Variants in NCKAP5 observed in about 807,000 individuals in gnomAD.
NCKAP5 encodes the protein nck-associated protein 5.
In NCKAP5, 92 loss-of-function variants were observed where a neutral mutation model predicts 167.0. That is an observed-to-expected ratio of 0.55 (90% CI 0.47 to 0.66). The LOEUF is 0.66. Among genes scored for constraint, NCKAP5 ranks in the 30% least tolerant of loss-of-function variants. The pLI is 0.00. For synonymous variants in NCKAP5, 891 were observed against 877.4 expected (o/e 1.02, Z -0.27); for missense variants, 2,378 against 2,315.0 (o/e 1.03, Z -0.56).
intron 2 of NCKAP5, among the ~76,000 whole-genome samples, chr2:133,548,192 G>C (rs1463068572): frequency 2.6e-5 from 4 of 152,064 alleles, no homozygotes; most frequent in South Asian, 4.2e-4. Context: ...AGAATAAAAA[G>C]AAATGAGCAA....
At chr2:132,893,015 A>C (rs898974208) in intron 8 of NCKAP5, among the ~76,000 whole-genome samples, 43 of 141,926 alleles carry the variant, frequency 3.0e-4, no homozygotes, top group African/African-American at 1.0e-3. Context: ...AAAAAAAAAA[A>C]CCAGAAAGGA....
the NCKAP5 span, among the ~76,000 whole-genome samples, chr2:133,616,351 A>G: frequency 6.6e-6 from 1 of 152,058 alleles, no homozygotes; most frequent in Non-Finnish European, 1.5e-5. Context: ...CAAAAAATTA[A>G]TGAATCCAGG....
intron 7 of NCKAP5, among the ~76,000 whole-genome samples, chr2:132,981,219 A>G (rs1039749941): frequency 2.6e-5 from 4 of 152,212 alleles, no homozygotes; most frequent in Non-Finnish European, 5.9e-5. Flanking sequence ...GTTTAAACAA[A>G]TGAAGTGAAA....
chr2:133,649,039 A>C, the NCKAP5 span, among the ~76,000 whole-genome samples: 27 of 152,088 alleles, frequency 1.8e-4, no homozygotes, highest in African/African-American at 6.0e-4. Flanking sequence ...ACATAAAATC[A>C]AAAATGAAAG....
chr2:133,356,706 A>G (rs920720705), intron 3 of NCKAP5, among the ~76,000 whole-genome samples: 6 of 152,264 alleles, frequency 3.9e-5, no homozygotes, highest in African/African-American at 1.2e-4. Context: ...CAACAAGAAG[A>G]AAGTCATTCA....
chr2:132,855,566 C>A (rs1689400228), intron 11 of NCKAP5, among the ~76,000 whole-genome samples: 1 of 152,172 alleles, frequency 6.6e-6, no homozygotes. Context: ...GCGTGGGAAG[C>A]CAGGTAGATG....
At position 132,844,587 on chromosome 2, in the gene NCKAP5, T is replaced by C. The variant is rs572829553; in HGVS notation, c.807+15905A>G. Among the ~76,000 whole-genome samples, 17 of 152,314 alleles carry C rather than the reference T, an allele frequency of 1.1e-4. No homozygotes were observed. In the South Asian group the frequency reaches 3.5e-3, roughly 32 times the overall value. Reference sequence around the variant, plus strand: ...TGCAACTTTACTTTTTCACTTAATATATTTTTAAGATATGTTTCTAGGTCA... The same window carrying C: ...TGCAACTTTACTTTTTCACTTAATACATTTTTAAGATATGTTTCTAGGTCA... On this transcript the variant is annotated intron_variant, in intron 11 of 19. Transcript: ENST00000409261.
chr2:132,963,009 G>A (rs1006469057), intron 8 of NCKAP5, among the ~76,000 whole-genome samples: 1 of 147,844 alleles, frequency 6.8e-6, no homozygotes, highest in East Asian at 2.2e-4. Context: ...GGACGTAAGT[G>A]AACTCATAGA....
chr2:133,495,014 T>A (rs1681812759), intron 3 of NCKAP5, among the ~76,000 whole-genome samples: 1 of 152,152 alleles, frequency 6.6e-6, no homozygotes, highest in South Asian at 2.1e-4. Context: ...CCACAACCCC[T>A]TATCTTAACC....
chr2:133,140,785 AATTAT>A (rs1217906808), intron 5 of NCKAP5, among the ~76,000 whole-genome samples: 1 of 148,880 alleles, frequency 6.7e-6, no homozygotes, highest in African/African-American at 2.4e-5. Flanking sequence ...TAATATAATA[AATTAT>A]ATTAACATTA....
the NCKAP5 span, among the ~76,000 whole-genome samples, chr2:133,576,187 T>C: frequency 6.6e-6 from 1 of 151,458 alleles, no homozygotes; most frequent in East Asian, 2.0e-4. Context: ...GTCCAGAAAC[T>C]TGGCTGCCAT....
intron 6 of NCKAP5, among the ~76,000 whole-genome samples, chr2:133,111,919 A>G (rs965377746): frequency 6.6e-6 from 1 of 152,146 alleles, no homozygotes; most frequent in African/African-American, 2.4e-5. Context: ...AGGATGAGTA[A>G]TAGAATCTCC....
At chr2:133,031,588 G>T (rs1294291751) in intron 6 of NCKAP5, among the ~76,000 whole-genome samples, 2 of 152,066 alleles carry the variant, frequency 1.3e-5, no homozygotes, top group Non-Finnish European at 2.9e-5. Flanking sequence ...ACAGTGGTCT[G>T]CTGGCGGGTG....
intron 6 of NCKAP5, among the ~76,000 whole-genome samples, chr2:133,119,459 A>G (rs1239044724): frequency 1.3e-5 from 2 of 152,230 alleles, no homozygotes; most frequent in Non-Finnish European, 2.9e-5. Context: ...TGCATGAAAT[A>G]CAATTGCTTA....
chr2:133,498,063 G>A (rs1328070958), intron 3 of NCKAP5, among the ~76,000 whole-genome samples: 1 of 152,140 alleles, frequency 6.6e-6, no homozygotes, highest in African/African-American at 2.4e-5. Flanking sequence ...TAGGGACCAA[G>A]CCTTTGAAAT....
intron 3 of NCKAP5, among the ~76,000 whole-genome samples, chr2:133,315,286 T>C (rs796079311): frequency 6.6e-6 from 1 of 152,150 alleles, no homozygotes; most frequent in South Asian, 2.1e-4. Context: ...ATTCAGGATC[T>C]GTTTCGAAGA....
At chr2:133,042,434 C>T (rs2149458905) in intron 6 of NCKAP5, among the ~76,000 whole-genome samples, 1 of 152,228 alleles carries the variant, frequency 6.6e-6, no homozygotes, top group South Asian at 2.1e-4. Context: ...TTGAGATGTA[C>T]TTCCAAAAGA....
At chr2:133,516,051 C>T (rs1435396296) in intron 3 of NCKAP5, among the ~76,000 whole-genome samples, 2 of 152,152 alleles carry the variant, frequency 1.3e-5, no homozygotes, top group Non-Finnish European at 2.9e-5. Flanking sequence ...CAACCAATAC[C>T]GATGATATTT....
Position 133,445,247 on chromosome 2 carries a change from A to T in NCKAP5, c.69+72211T>A, listed in dbSNP as rs192612414. Reference sequence around the variant, plus strand: ...TTGAATCTTATAGATTTATTCACAAATAATGATTCAATACCAATTTTAAAA... The same window carrying T: ...TTGAATCTTATAGATTTATTCACAATTAATGATTCAATACCAATTTTAAAA... On this transcript the variant is annotated intron_variant, in intron 3 of 19. Transcript: ENST00000409261. Among the ~76,000 whole-genome samples, 10 of 152,326 alleles carry T rather than the reference A, an allele frequency of 6.6e-5. No homozygotes were observed. In the East Asian group the frequency reaches 1.9e-3, roughly 29 times the overall value.
Sources: gnomAD v4.1 joint callset for allele counts (sites outside exome capture counted in the v4.1 genomes callset) on GRCh38, gnomAD v4.1.1 for gene constraint, MANE v1.5 for transcripts, NCBI Gene and HGNC (gene_info 2026-07-23, HGNC 2026-07-21) for gene names.